Variants in MRPS28 observed in about 807,000 individuals in gnomAD.
MRPS28 encodes the protein small ribosomal subunit protein bS1m.
In MRPS28, 7 loss-of-function variants were observed where a neutral mutation model predicts 10.8. The observed-to-expected ratio is 0.65, with a 90% confidence interval of 0.37 to 1.22. MRPS28 has a LOEUF of 1.22. Among genes scored for constraint, MRPS28 ranks in the 50% most tolerant of loss-of-function variants. MRPS28 has a pLI of 0.02. For missense variants in MRPS28, 265 were observed against 232.9 expected, an observed-to-expected ratio of 1.14 and a Z score of -0.90; for synonymous variants, 121 against 93.3, an observed-to-expected ratio of 1.30 and a Z score of -1.71.
chr8:79,963,894 T>C (rs1198171801), intron 2 of MRPS28, among the ~76,000 whole-genome samples: 4 of 152,066 alleles, frequency 2.6e-5, no homozygotes, highest in Admixed American at 6.6e-5. Flanking sequence ...TGAAAGTCAC[T>C]AGATGAAACT....
intron 1 of MRPS28, among the ~76,000 whole-genome samples, chr8:80,011,966 G>A (rs1809064458): frequency 2.0e-5 from 3 of 152,056 alleles, no homozygotes; most frequent in Admixed American, 1.3e-4. Flanking sequence ...TTTCCCCTTG[G>A]TTTTAGAAAA....
chr8:80,027,406 G>C (rs1397185264), intron 1 of MRPS28, among the ~76,000 whole-genome samples: 1 of 152,200 alleles, frequency 6.6e-6, no homozygotes, highest in Non-Finnish European at 1.5e-5. Context: ...CTGGAAACCT[G>C]AACTGAGCCG....
intron 2 of MRPS28, among the ~76,000 whole-genome samples, chr8:79,950,589 C>T (rs1460068628): frequency 1.3e-5 from 2 of 152,048 alleles, no homozygotes; most frequent in African/African-American, 2.4e-5. Flanking sequence ...TACAAAATGC[C>T]TTCGGATAGA....
chr8:79,953,272 G>A (rs1807124242), intron 2 of MRPS28, among the ~76,000 whole-genome samples: 2 of 152,200 alleles, frequency 1.3e-5, no homozygotes, highest in African/African-American at 2.4e-5. Flanking sequence ...GCAGAGGACA[G>A]AGAGTTTTTA....
chr8:80,000,841 T>C (rs1270857601), intron 2 of MRPS28, among the ~76,000 whole-genome samples: 1 of 152,146 alleles, frequency 6.6e-6, no homozygotes, highest in Non-Finnish European at 1.5e-5. Flanking sequence ...GCTGGGGCAA[T>C]TTAATTCTAG....
intron 2 of MRPS28, among the ~76,000 whole-genome samples, chr8:79,986,600 C>T (rs2130102878): frequency 6.6e-6 from 1 of 152,132 alleles, no homozygotes; most frequent in Admixed American, 6.5e-5. Context: ...AATCAATGTG[C>T]AAAAATCACA....
At chr8:80,011,706 T>C (rs929297962) in intron 1 of MRPS28, among the ~76,000 whole-genome samples, 3 of 151,882 alleles carry the variant, frequency 2.0e-5, no homozygotes, top group Non-Finnish European at 4.4e-5. Context: ...TGAGCCGAGA[T>C]GGCACAACTG....
In MRPS28 at chr8:80,016,918, T is replaced by C. The variant is rs116215005; in HGVS notation, c.213+13118A>G. On this transcript the variant is annotated intron_variant, in intron 1 of 2. Coordinates refer to ENST00000276585, the MANE Select transcript of MRPS28 (RefSeq NM_014018.3). ...AGCAGGGAGAAAATCACTCAGGATA[T>C]AGCTGAACTCAACAACATCATAAAT... 2.7e-3 allele frequency among the ~76,000 whole-genome samples: 408 copies of C among 152,278 alleles called. 2 individuals carry two copies. The highest frequency in any genetic ancestry group is 9.4e-3 in the African/African-American group (389 of 41,562).
At chr8:79,968,646 A>G (rs902561925) in intron 2 of MRPS28, among the ~76,000 whole-genome samples, 1 of 151,606 alleles carries the variant, frequency 6.6e-6, no homozygotes, top group Non-Finnish European at 1.5e-5. Context: ...AGGTATCTAT[A>G]TATCTGCCTT....
At chr8:79,946,523 C>A (rs1294060526) in intron 2 of MRPS28, among the ~76,000 whole-genome samples, 1 of 152,074 alleles carries the variant, frequency 6.6e-6, no homozygotes, top group Non-Finnish European at 1.5e-5. Flanking sequence ...TTATTAAAAA[C>A]ATCACCCACT....
intron 1 of MRPS28, 155 bp downstream of exon 1, chr8:80,029,881 G>T: frequency 2.0e-6 from 3 of 1,536,256 alleles, no homozygotes; most frequent in East Asian, 2.4e-5. Context: ...GATTCTAGGG[G>T]CCGAGGGCTG....
chr8:79,944,219 T>A (rs1177762469), intron 2 of MRPS28, among the ~76,000 whole-genome samples: 1 of 152,218 alleles, frequency 6.6e-6, no homozygotes, highest in African/African-American at 2.4e-5. Context: ...GCATGGATGT[T>A]TTTTCCTTAT....
At chr8:79,991,337 A>T (rs1207215939) in intron 2 of MRPS28, among the ~76,000 whole-genome samples, 1 of 152,248 alleles carries the variant, frequency 6.6e-6, no homozygotes, top group East Asian at 1.9e-4. Context: ...CTTTTGCCAG[A>T]TTTGAATTAA....
chr8:80,014,662 T>C (rs1809148445), intron 1 of MRPS28, among the ~76,000 whole-genome samples: 1 of 152,230 alleles, frequency 6.6e-6, no homozygotes, highest in Admixed American at 6.5e-5. Flanking sequence ...AATAAATGTG[T>C]GGCCATATGT....
chr8:79,970,372 C>A (rs2130036389), intron 2 of MRPS28, among the ~76,000 whole-genome samples: 1 of 152,274 alleles, frequency 6.6e-6, no homozygotes, highest in Non-Finnish European at 1.5e-5. Flanking sequence ...GTAGAAAATT[C>A]TCTAGCTATT....
At chr8:80,022,892 T>C (rs975742512) in intron 1 of MRPS28, among the ~76,000 whole-genome samples, 1 of 152,196 alleles carries the variant, frequency 6.6e-6, no homozygotes, top group African/African-American at 2.4e-5. Context: ...TAAGGTTGGC[T>C]TGGGAAGTCA....
At chr8:79,929,727 TG>T (rs1806407605) in intron 2 of MRPS28, among the ~76,000 whole-genome samples, 2 of 152,122 alleles carry the variant, frequency 1.3e-5, no homozygotes, top group African/African-American at 4.8e-5. Flanking sequence ...GGGAACAGGT[TG>T]TTTTTTTGTG....
chr8:79,974,976 A>G (rs1241034575), intron 2 of MRPS28, among the ~76,000 whole-genome samples: 1 of 152,172 alleles, frequency 6.6e-6, no homozygotes, highest in Non-Finnish European at 1.5e-5. Flanking sequence ...ATTCTAAAAT[A>G]AATTTCAAGT....
chr8:79,982,957 GCCT>G (rs1476446046), intron 2 of MRPS28, among the ~76,000 whole-genome samples: 3 of 102,572 alleles, frequency 2.9e-5, no homozygotes, highest in Admixed American at 9.6e-5. Context: ...CAGGCAGACT[GCCT>G]CCTCAAGTGG....
Sources: allele counts gnomAD v4.1 joint callset (sites outside exome capture counted in the v4.1 genomes callset), GRCh38; gene constraint gnomAD v4.1.1; transcripts MANE v1.5; gene names NCBI Gene and HGNC (gene_info 2026-07-23, HGNC 2026-07-21).